TFEC: variants seen among roughly 807,000 people sequenced by gnomAD.
The protein encoded by TFEC is transcription factor EC.
In TFEC, 31 loss-of-function variants were observed where a neutral mutation model predicts 41.6. The ratio of observed to expected loss-of-function variants is 0.74; its 90% CI spans 0.56 to 1.01. TFEC has a LOEUF of 1.01. Among genes scored for constraint, TFEC ranks in the 50% least tolerant of loss-of-function variants. The pLI is 0.00. For missense variants in TFEC, 402 were observed against 404.1 expected (o/e 0.99, Z 0.04); for synonymous variants, 143 against 140.6 (o/e 1.02, Z -0.12).
chr7:116,096,055 C>T (rs949965965), intron 3 of TFEC, among the ~76,000 whole-genome samples: 7 of 152,156 alleles, frequency 4.6e-5, no homozygotes, highest in African/African-American at 9.7e-5. Context: ...GAACTTAATA[C>T]GTCTTAAATA....
At chr7:115,948,041 A>C (rs1450794303) in intron 6 of TFEC, among the ~76,000 whole-genome samples, 3 of 152,200 alleles carry the variant, frequency 2.0e-5, no homozygotes, top group Non-Finnish European at 2.9e-5. Flanking sequence ...ACAGAAATAC[A>C]AACTACCATC....
intron 3 of TFEC, among the ~76,000 whole-genome samples, chr7:116,052,790 C>T (rs1183606478): frequency 6.6e-6 from 1 of 151,060 alleles, no homozygotes; most frequent in Non-Finnish European, 1.5e-5. Flanking sequence ...GTCATGGGGG[C>T]CGGGCGCAGT....
At position 116,009,171 on chromosome 7, in the gene TFEC, T is replaced by C. The variant is rs144047755; in HGVS notation, c.-73+21462A>G. 2.8e-3 allele frequency among the ~76,000 whole-genome samples: 434 copies of C among 152,302 alleles called. 2 individuals carry two copies. Among genetic ancestry groups the C allele is most frequent in the Non-Finnish European group, 4.4e-3 (296 of 67,998 alleles). Reference sequence around the variant, plus strand: ...TAATAGTTTCTCAGTAAAATTACCATGTTATACCTTTAAAATAAATAAAAT... The same window carrying C: ...TAATAGTTTCTCAGTAAAATTACCACGTTATACCTTTAAAATAAATAAAAT... On this transcript the variant is annotated intron_variant, in intron 1 of 7. Transcript: ENST00000265440.
At chr7:116,145,426 G>T (rs1798622972) in intron 1 of TFEC, among the ~76,000 whole-genome samples, 1 of 152,058 alleles carries the variant, frequency 6.6e-6, no homozygotes, top group African/African-American at 2.4e-5. Flanking sequence ...GGTCAGAAGG[G>T]GTCAGGCAGC....
intron 1 of TFEC, among the ~76,000 whole-genome samples, chr7:116,128,362 G>A (rs970977258): frequency 7.9e-5 from 12 of 152,116 alleles, no homozygotes; most frequent in Non-Finnish European, 1.6e-4. Context: ...TTTATACCTA[G>A]CTAAGCTGAC....
At chr7:116,111,876 G>A in intron 2 of TFEC, 1 of 345,280 alleles carries the variant, frequency 2.9e-6, no homozygotes, top group Non-Finnish European at 4.1e-6. Flanking sequence ...ATAAACTCTG[G>A]TTTTAGTGTT....
At chr7:115,977,146 C>T in intron 2 of TFEC, among the ~76,000 whole-genome samples, 1 of 152,034 alleles carries the variant, frequency 6.6e-6, no homozygotes, top group Non-Finnish European at 1.5e-5. Context: ...CCCAAGAATC[C>T]ATTTGTTATT....
intron 3 of TFEC, among the ~76,000 whole-genome samples, chr7:116,080,981 G>GTATGTA (rs1286837442): frequency 5.7e-4 from 69 of 121,578 alleles, no homozygotes; most frequent in African/African-American, 2.1e-3. Flanking sequence ...AATGTAGTGT[G>GTATGTA]TGTGTGTGTG....
chr7:116,039,850 A>G (rs1795995254), intron 3 of TFEC, among the ~76,000 whole-genome samples: 1 of 152,144 alleles, frequency 6.6e-6, no homozygotes, highest in African/African-American at 2.4e-5. Flanking sequence ...CAAAAGAATC[A>G]TCAATGCACA....
chr7:115,976,536 G>A (rs1793387844), intron 2 of TFEC, among the ~76,000 whole-genome samples: 1 of 152,178 alleles, frequency 6.6e-6, no homozygotes, highest in Non-Finnish European at 1.5e-5. Context: ...ATGGTCAGAT[G>A]TTAAATCCTT....
intron 1 of TFEC, among the ~76,000 whole-genome samples, chr7:116,145,971 A>C (rs1344721108): frequency 6.6e-6 from 1 of 152,214 alleles, no homozygotes; most frequent in Non-Finnish European, 1.5e-5. Flanking sequence ...ACAAATTCAA[A>C]GTAATAGATA....
chr7:115,957,619 C>T (rs996915027), intron 3 of TFEC, among the ~76,000 whole-genome samples: 1 of 152,010 alleles, frequency 6.6e-6, no homozygotes, highest in Non-Finnish European at 1.5e-5. Context: ...CCAGAACAAG[C>T]TGCATTCACT....
intron 3 of TFEC, among the ~76,000 whole-genome samples, chr7:116,049,650 C>CAACAGAAA (rs1331071077): frequency 2.6e-5 from 4 of 152,236 alleles, no homozygotes; most frequent in Non-Finnish European, 5.9e-5. Context: ...CTACAGAACT[C>CAACAGAAA]TCCACCACAA....
chr7:115,964,323 G>T (rs1792732396), intron 3 of TFEC, among the ~76,000 whole-genome samples: 1 of 151,454 alleles, frequency 6.6e-6, no homozygotes, highest in Non-Finnish European at 1.5e-5. Context: ...ATATTTTCAA[G>T]AAATATATCA....
At chr7:116,038,965 C>T (rs1795971562) in intron 3 of TFEC, among the ~76,000 whole-genome samples, 1 of 152,172 alleles carries the variant, frequency 6.6e-6, no homozygotes, top group East Asian at 1.9e-4. Context: ...AGAGACGAAA[C>T]GGGATGTGGA....
chr7:116,117,598 G>A (rs962407036), intron 1 of TFEC: 2 of 151,666 alleles, frequency 1.3e-5, no homozygotes, highest in African/African-American at 2.4e-5. Flanking sequence ...TGGAGTTCTC[G>A]AACTGTTATT....
intron 1 of TFEC, among the ~76,000 whole-genome samples, chr7:115,995,691 G>T (rs1794335872): frequency 6.6e-6 from 1 of 152,134 alleles, no homozygotes; most frequent in Admixed American, 6.5e-5. Context: ...CACTGGAGAA[G>T]GTAGGAAAGA....
rs561428711 is a variant in TFEC at position 116,009,400 on chromosome 7, G to A, written c.-73+21233C>T. On this transcript the variant is annotated intron_variant, in intron 1 of 7. Coordinates refer to ENST00000265440, the MANE Select transcript of TFEC (RefSeq NM_012252.4). ...AGTTAATGTGAAACATTCAGAAAAT[G>A]TAAGTAATGATACTTAAAATACACT... is the stretch of plus-strand genomic sequence containing the variant. Among the ~76,000 whole-genome samples the A allele has an allele frequency of 3.9e-5, 6 of 152,198 alleles. No homozygotes were observed. The East Asian group carries it at 1.2e-3, about 29-fold the overall frequency.
intron 1 of TFEC, among the ~76,000 whole-genome samples, chr7:116,013,554 T>C (rs1369245103): frequency 2.0e-5 from 3 of 152,122 alleles, no homozygotes; most frequent in Non-Finnish European, 4.4e-5. Context: ...TGTACTTCCA[T>C]TTCATCTATT....
Sources: allele counts gnomAD v4.1 joint callset (sites outside exome capture counted in the v4.1 genomes callset), GRCh38; gene constraint gnomAD v4.1.1; transcripts MANE v1.5; gene names NCBI Gene and HGNC (gene_info 2026-07-23, HGNC 2026-07-21).